Variants in CLIP4 observed in about 807,000 individuals in gnomAD.
CLIP4 encodes the protein CAP-Gly domain-containing linker protein 4.
In CLIP4, 47 loss-of-function variants were observed where a neutral mutation model predicts 73.1. The ratio of observed to expected loss-of-function variants is 0.64; its 90% CI spans 0.51 to 0.82. The LOEUF (loss-of-function observed/expected upper bound fraction) is 0.82. Ranked by LOEUF, CLIP4 falls within the 40% of genes least tolerant of loss-of-function variation. CLIP4 has a pLI of 0.00. For missense variants in CLIP4, 874 were observed against 852.9 expected (o/e 1.02, Z -0.31); for synonymous variants, 306 against 295.4 (o/e 1.04, Z -0.37).
At position 29,183,517 on chromosome 2, in the gene CLIP4, C is replaced by CA. The variant is rs1558597977; in HGVS notation, c.*1624_*1625insA. The CA allele has an allele frequency of 6.6e-6, 1 of 152,578 alleles. No individual in the cohort carries two copies. Among genetic ancestry groups the CA allele is most frequent in the Non-Finnish European group, 1.5e-5 (1 of 68,012 alleles). 9.5% of individuals were successfully genotyped at this position (152,578 alleles called of 1,614,324 possible). A position where few individuals can be genotyped will look rare whatever the true frequency, so the allele number is the denominator to read the frequency against. ...TTATTTCTTAAAAACTCTATTTATACCTTAACATGAAATCCATGACCACAC... is the reference window on the plus strand; with the variant it reads ...TTATTTCTTAAAAACTCTATTTATACACTTAACATGAAATCCATGACCACAC... On this transcript the variant is annotated 3_prime_UTR_variant, in exon 16 of 16. Transcript: ENST00000320081.
At chr2:29,148,192 A>G (rs1558550342) in intron 8 of CLIP4, among the ~76,000 whole-genome samples, 2 of 152,196 alleles carry the variant, frequency 1.3e-5, no homozygotes, top group Non-Finnish European at 2.9e-5. Context: ...TGGGAGCCCC[A>G]GGTCACGGCT....
At chr2:29,098,333 A>C (rs748449205) in intron 1 of CLIP4, among the ~76,000 whole-genome samples, 9 of 152,194 alleles carry the variant, frequency 5.9e-5, no homozygotes, top group Non-Finnish European at 1.2e-4. Context: ...ATAATGTCGT[A>C]TGTCCACCCT....
At chr2:29,120,565 T>G (rs1664186140) in intron 1 of CLIP4, among the ~76,000 whole-genome samples, 1 of 152,200 alleles carries the variant, frequency 6.6e-6, no homozygotes, top group African/African-American at 2.4e-5. Context: ...TGCTTACATT[T>G]TAAAAACAGG....
intron 8 of CLIP4, among the ~76,000 whole-genome samples, chr2:29,151,611 A>G (rs1666573744): frequency 1.3e-5 from 2 of 152,186 alleles, no homozygotes; most frequent in African/African-American, 4.8e-5. Context: ...AAAGTAGTGT[A>G]GTTGGTACTT....
chr2:29,160,539 A>G (rs1667220062), intron 12 of CLIP4, 72 bp downstream of exon 12: 3 of 1,524,008 alleles, frequency 2.0e-6, no homozygotes, highest in Non-Finnish European at 2.7e-6. Context: ...ACATGTAAAT[A>G]GAATTTAATT....
chr2:29,174,444 A>G lies in CLIP4; in HGVS notation c.1795A>G (p.Lys599Glu). ...GATTAACAGAAGAAATGCTTTTTCC[A>G]AGTGAGTATTAAGAAGATTTAGAAA... The part of the protein sequence containing the change: ...KEINRRNAFS[K>E]SKAALRRSWS... The change falls in exon 15 of 16, where the codon AAA becomes GAA. Residue 599 changes from lysine to glutamate, a missense_variant and splice_region_variant. Coordinates refer to ENST00000320081, the MANE Select transcript of CLIP4 (RefSeq NM_024692.6). The G allele has an allele frequency of 6.2e-7, 1 of 1,611,170 alleles. No individual in the cohort carries two copies.
At position 29,132,266 on chromosome 2, in the gene CLIP4, T is replaced by A. The variant is rs751492263; in HGVS notation, c.367+21T>A. 3.2e-6 allele frequency: 5 copies of A among 1,578,752 alleles called. No individual in the cohort carries two copies. In the East Asian group the frequency reaches 1.1e-4, roughly 35 times the overall value. ...TATTGGTAAGTGTGTGGTAAATCTATCAGTTGCTTATGTCATCTGCACTTG... is the reference window on the plus strand; with the variant it reads ...TATTGGTAAGTGTGTGGTAAATCTAACAGTTGCTTATGTCATCTGCACTTG... On this transcript the variant is annotated intron_variant, in intron 4 of 15. Coordinates refer to ENST00000320081, the MANE Select transcript of CLIP4 (RefSeq NM_024692.6).
In CLIP4 at chr2:29,121,370, A is replaced by G; in HGVS notation, c.-15-4A>G. 1 of 1,593,060 alleles carries G rather than the reference A, an allele frequency of 6.3e-7. No homozygotes were observed. Among genetic ancestry groups the G allele is most frequent in the Non-Finnish European group, 8.5e-7 (1 of 1,173,914 alleles). On this transcript the variant is annotated splice_polypyrimidine_tract_variant and splice_region_variant and intron_variant, in intron 1 of 15. Transcript: ENST00000320081. ...AAACACTTTTTTTTTCTTTCTTATT[A>G]TAGGTGGCTTTCTAGAAGATGACCA...
upstream of CLIP4, chr2:29,114,443 G>T (rs1199241939): frequency 6.6e-6 from 1 of 152,274 alleles, no homozygotes; most frequent in African/African-American, 2.4e-5. Flanking sequence ...GAGATGCAGG[G>T]AGCTGGATTT....
intron 4 of CLIP4, 147 bp downstream of exon 4, chr2:29,132,392 T>C: frequency 1.5e-6 from 1 of 653,600 alleles, no homozygotes; most frequent in Non-Finnish European, 2.7e-6. Flanking sequence ...AGTTAGGTCC[T>C]TCCAAAAACC....
intron 10 of CLIP4, 117 bp from the exon 11 acceptor site, chr2:29,157,087 A>C (rs1289175726): frequency 2.4e-6 from 2 of 831,466 alleles, no homozygotes; most frequent in Non-Finnish European, 4.0e-6. Flanking sequence ...ATTTGACACT[A>C]GATAATCCAT....
At position 29,174,393 on chromosome 2, in the gene CLIP4, A is replaced by C; in HGVS notation, c.1744A>C (p.Thr582Pro). Reference sequence around the variant, plus strand: ...TTTAGGTTTTAGGAGAAGTTTTAGCACAACTTCTGCTTCTTCCCAAAAGGA... The same window carrying C: ...TTTAGGTTTTAGGAGAAGTTTTAGCCCAACTTCTGCTTCTTCCCAAAAGGA... Reference protein sequence around the residue: ...SYPGFRRSFSTTSASSQKEIN... With the variant: ...SYPGFRRSFSPTSASSQKEIN... Residue 582 changes from threonine to proline, a missense_variant, in exon 15 of 16, where the codon ACA (threonine) becomes CCA (proline). Coordinates refer to ENST00000320081, the MANE Select transcript of CLIP4 (RefSeq NM_024692.6). The C allele has an allele frequency of 6.2e-7, 1 of 1,612,638 alleles. No homozygotes were observed.
At chr2:29,098,229 T>C (rs1452942650) in intron 1 of CLIP4, among the ~76,000 whole-genome samples, 1 of 152,260 alleles carries the variant, frequency 6.6e-6, no homozygotes, top group Non-Finnish European at 1.5e-5. Context: ...TTACGATCAA[T>C]GAATAGATAA....
At chr2:29,122,871 T>A (rs373224270) in intron 2 of CLIP4, among the ~76,000 whole-genome samples, 4 of 148,284 alleles carry the variant, frequency 2.7e-5, no homozygotes, top group Non-Finnish European at 5.9e-5. Context: ...CTTAGAATTA[T>A]AGGTTTTTGT....
intron 15 of CLIP4, among the ~76,000 whole-genome samples, chr2:29,175,153 G>A (rs983348256): frequency 1.3e-5 from 2 of 152,178 alleles, no homozygotes; most frequent in Admixed American, 1.3e-4. Flanking sequence ...AGAGCCCAGA[G>A]GCTAGAACTT....
chr2:29,135,798 A>T lies in CLIP4; in HGVS notation c.648+132A>T, dbSNP rs1490907786. On this transcript the variant is annotated intron_variant, in intron 6 of 15. Coordinates refer to ENST00000320081, the MANE Select transcript of CLIP4 (RefSeq NM_024692.6). ...CAAGTAATTTATATCTTTGTGCCAC[A>T]TGTAAAGAGTGATGATGATCTTTAT... 6 of 590,602 alleles carry T rather than the reference A, an allele frequency of 1.0e-5. No individual in the cohort carries two copies. In the East Asian group the frequency reaches 1.6e-4, roughly 16 times the overall value. 36.6% of individuals were successfully genotyped at this position (590,602 alleles called of 1,614,324 possible).
At chr2:29,152,888 C>T in intron 9 of CLIP4, 60 bp downstream of exon 9, 1 of 1,564,732 alleles carries the variant, frequency 6.4e-7, no homozygotes, top group Non-Finnish European at 8.7e-7. Flanking sequence ...TTGTAGAATT[C>T]CTAATATTTA....
intron 1 of CLIP4, among the ~76,000 whole-genome samples, chr2:29,106,826 A>G (rs999313848): frequency 6.6e-6 from 1 of 152,200 alleles, no homozygotes; most frequent in African/African-American, 2.4e-5. Context: ...TGATAAAGAT[A>G]TTGCATGATA....
chr2:29,100,655 C>T (rs1292498213), intron 1 of CLIP4, among the ~76,000 whole-genome samples: 2 of 151,528 alleles, frequency 1.3e-5, no homozygotes, highest in African/African-American at 4.9e-5. Flanking sequence ...GGTGTGTCCT[C>T]CTGAGCAAAG....
Sources: gnomAD v4.1 joint callset for allele counts (sites outside exome capture counted in the v4.1 genomes callset) on GRCh38, gnomAD v4.1.1 for gene constraint, MANE v1.5 for transcripts, NCBI Gene and HGNC (gene_info 2026-07-23, HGNC 2026-07-21) for gene names.